KIF23: variants seen among roughly 807,000 people sequenced by gnomAD.
KIF23 encodes kinesin-like protein KIF23.
Under a neutral mutation model 137.5 loss-of-function variants are expected in KIF23, and 30 were observed. The ratio of observed to expected loss-of-function variants is 0.22; its 90% CI spans 0.16 to 0.30. The LOEUF (loss-of-function observed/expected upper bound fraction) is 0.30. KIF23 is among the 10% of genes least tolerant of loss of function. KIF23 has a pLI of 1.00. For missense variants in KIF23, 920 were observed against 1,194.3 expected, an observed-to-expected ratio of 0.77 and a Z score of 3.38; for synonymous variants, 367 against 391.1, an observed-to-expected ratio of 0.94 and a Z score of 0.73.
At chr15:69,439,834 G>A in intron 16 of KIF23, 70 bp from the exon 17 acceptor site, 2 of 1,209,050 alleles carry the variant, frequency 1.7e-6, no homozygotes, top group Middle Eastern at 2.1e-4. Context: ...AGCAAATTAA[G>A]GAAGACTATT....
chr15:69,428,247 C>T (rs2057255494), intron 10 of KIF23, among the ~76,000 whole-genome samples: 1 of 151,106 alleles, frequency 6.6e-6, no homozygotes, highest in South Asian at 2.1e-4. Flanking sequence ...GAGTGAGACT[C>T]TGTCTAAAAA....
At chr15:69,418,715 CTT>C (rs1223690750) in intron 3 of KIF23, among the ~76,000 whole-genome samples, 3 of 152,158 alleles carry the variant, frequency 2.0e-5, no homozygotes, top group African/African-American at 4.8e-5. Context: ...ACAGCTGAGA[CTT>C]TTGTACAACT....
chr15:69,436,635 G>A lies in KIF23; in HGVS notation c.1510G>A (p.Asp504Asn), dbSNP rs973478293. Residue 504 changes from aspartate to asparagine, a missense_variant, in exon 15 of 24, where the codon GAT becomes AAT. Physicochemically the swap from Asp to Asn is conservative, Grantham distance 23. Around this residue, in one of 4 missense-constraint regions of KIF23, gnomAD observed 714 missense variants for 866.2 expected, o/e 0.82. Transcript: ENST00000679126. ...ATCATGCGAAATTTTGGATATCAAC[G>A]ATGAGCAGACACTTCCAAGGCTGAT... Reference protein sequence around the residue: ...LPSCEILDINDEQTLPRLIEA... With the variant: ...LPSCEILDINNEQTLPRLIEA... 5.6e-6 allele frequency: 9 copies of A among 1,612,142 alleles called. No homozygotes were observed. The highest frequency in any genetic ancestry group is 5.0e-5 in the Admixed American group (3 of 59,948).
At position 69,422,104 on chromosome 15, in the gene KIF23, A is replaced by G. The variant is rs2057071259; in HGVS notation, c.429A>G (p.Ile143Met). 6.2e-7 allele frequency: 1 copy of G among 1,614,002 alleles called. No individual in the cohort carries two copies. The highest frequency in any genetic ancestry group is 8.5e-7 in the Non-Finnish European group (1 of 1,179,948). ...PRCLDMIFNSIGSFQAKRYVF... is the reference protein window; with the variant it reads ...PRCLDMIFNSMGSFQAKRYVF... ...GTTTGGACATGATCTTTAACAGTAT[A>G]GGGTCATTTCAAGCTAAACGATATG... Residue 143 changes from isoleucine (I) to methionine (M), a missense_variant, in exon 5 of 24, where the codon ATA (isoleucine) becomes ATG (methionine). Ile to Met is a conservative substitution (Grantham distance 10). Around this residue, in one of 4 missense-constraint regions of KIF23, gnomAD observed 714 missense variants for 866.2 expected, o/e 0.82. Coordinates refer to ENST00000679126, the MANE Select transcript of KIF23 (RefSeq NM_001367805.3).
intron 23 of KIF23, among the ~76,000 whole-genome samples, chr15:69,447,386 G>A (rs894223198): frequency 6.6e-6 from 1 of 152,106 alleles, no homozygotes; most frequent in Non-Finnish European, 1.5e-5. Flanking sequence ...TTATAGTAGG[G>A]AAGGAATCAT....
chr15:69,429,071 T>G (rs1299007395), intron 10 of KIF23, 40 bp from the exon 11 acceptor site: 2 of 1,347,584 alleles, frequency 1.5e-6, no homozygotes, highest in Non-Finnish European at 2.1e-6. Flanking sequence ...ATAAACCAGT[T>G]ATAACCCATT....
intron 11 of KIF23, among the ~76,000 whole-genome samples, chr15:69,431,441 A>G (rs1006077339): frequency 2.0e-5 from 3 of 152,128 alleles, no homozygotes; most frequent in Non-Finnish European, 2.9e-5. Context: ...GTGAAACCCC[A>G]TCTCTACTAA....
intron 22 of KIF23, chr15:69,446,567 T>C (rs2057744514): frequency 1.6e-6 from 1 of 623,256 alleles, no homozygotes; most frequent in Non-Finnish European, 2.9e-6. Context: ...GAGGAGAATC[T>C]CTTGGAAAGA....
chr15:69,446,879 G>T lies in KIF23; in HGVS notation c.2847G>T (p.Val949=), dbSNP rs2057751500. The change falls in exon 23 of 24, where the codon GTG becomes GTT. Residue 949 remains valine (V), a synonymous_variant. Coordinates refer to ENST00000679126, the MANE Select transcript of KIF23 (RefSeq NM_001367805.3). ...TGTCATTTTCCTCTCAGTGTTCTGT[G>T]GCTGTGGAGATGAGAGCAGGATCCC... ...EWTDVETRCS[V]AVEMRAGSQL... 2.5e-6 allele frequency: 4 copies of T among 1,614,106 alleles called. No homozygotes were observed. Among genetic ancestry groups the T allele is most frequent in the Non-Finnish European group, 3.4e-6 (4 of 1,179,946 alleles).
At chr15:69,414,660 T>TGGGCGCGGAGACCCC in intron 1 of KIF23, 184 bp downstream of exon 1, 1 of 601,614 alleles carries the variant, frequency 1.7e-6, no homozygotes, top group East Asian at 3.5e-5. Flanking sequence ...CGCGGGAGCC[T>TGGGCGCGGAGACCCC]GGGCGCGGAG....
At chr15:69,436,103 A>AT (rs753811304) in intron 13 of KIF23, 35 bp from the exon 14 acceptor site, 85 of 1,575,046 alleles carry the variant, frequency 5.4e-5, no homozygotes, top group Middle Eastern at 1.7e-4. Flanking sequence ...GGATATCCTT[A>AT]TTTTTTTTTA....
Position 69,446,268 on chromosome 15 carries a change from T to C in KIF23, c.2757-15T>C. 1 of 1,610,912 alleles carries C rather than the reference T, an allele frequency of 6.2e-7. No homozygotes were observed. The highest frequency in any genetic ancestry group is 2.2e-5 in the East Asian group (1 of 44,866). ...ATGGAAAAATAATTGTTGCATCATG[T>C]TTCCCCTTTTTCAGTAGTCGAAAAC... is the stretch of plus-strand genomic sequence containing the variant. On this transcript the variant is annotated splice_polypyrimidine_tract_variant and intron_variant, in intron 21 of 23. Coordinates refer to ENST00000679126, the MANE Select transcript of KIF23 (RefSeq NM_001367805.3).
At chr15:69,423,510 T>C (rs1476734574) in intron 7 of KIF23, among the ~76,000 whole-genome samples, 181 bp downstream of exon 7, 1 of 152,222 alleles carries the variant, frequency 6.6e-6, no homozygotes, top group East Asian at 1.9e-4. Flanking sequence ...TAACTAGATA[T>C]GTACCTGTAT....
At chr15:69,415,941 T>C (rs1318385973) in intron 1 of KIF23, 53 bp from the exon 2 acceptor site, 20 of 1,291,420 alleles carry the variant, frequency 1.5e-5, no homozygotes, top group African/African-American at 3.1e-5. Context: ...GAGGCTTTTG[T>C]ATTCGTGTTG....
intron 11 of KIF23, among the ~76,000 whole-genome samples, chr15:69,433,355 T>C (rs906789639): frequency 2.0e-5 from 3 of 152,206 alleles, no homozygotes; most frequent in Non-Finnish European, 4.4e-5. Context: ...AGAGCTGCAT[T>C]CTTGAAAGCT....
chr15:69,430,998 C>G (rs567636996), intron 11 of KIF23, among the ~76,000 whole-genome samples: 2 of 152,204 alleles, frequency 1.3e-5, no homozygotes, highest in South Asian at 4.1e-4. Flanking sequence ...GATCATTTTG[C>G]CAGTGTAGAG....
chr15:69,427,485 C>T (rs1055159995), intron 10 of KIF23: 16 of 452,864 alleles, frequency 3.5e-5, no homozygotes, highest in African/African-American at 3.0e-4. Context: ...TTTTTTCTCT[C>T]TGGCGACTCC....
intron 3 of KIF23, among the ~76,000 whole-genome samples, chr15:69,420,432 T>C (rs928036542): frequency 1.3e-5 from 2 of 152,234 alleles, no homozygotes; most frequent in African/African-American, 4.8e-5. Flanking sequence ...TATTAGCCTA[T>C]GTGTATCCTT....
intron 11 of KIF23, chr15:69,434,434 C>T (rs916358025): frequency 1.1e-5 from 5 of 435,162 alleles, no homozygotes; most frequent in Non-Finnish European, 2.1e-5. Flanking sequence ...TGTCTTTCTC[C>T]CTTCTCCCTG....
Sources: allele counts gnomAD v4.1 joint callset (sites outside exome capture counted in the v4.1 genomes callset), GRCh38; gene constraint gnomAD v4.1.1; regional missense constraint gnomAD v4.1.1; transcripts MANE v1.5; gene names NCBI Gene and HGNC (gene_info 2026-07-23, HGNC 2026-07-21).